Variants in CADPS2 observed in about 807,000 individuals in gnomAD.
CADPS2 encodes calcium-dependent secretion activator 2.
CADPS2 carries 93 observed loss-of-function variants against 172.5 expected under a neutral mutation model. That is an observed-to-expected ratio of 0.54 (90% CI 0.46 to 0.64). CADPS2 has a LOEUF of 0.64. Among genes scored for constraint, CADPS2 ranks in the 30% least tolerant of loss-of-function variants. The probability of loss-of-function intolerance (pLI) is 0.00; values close to 1 mark genes in which losing one functional copy is unlikely to be tolerated. For synonymous variants in CADPS2, 546 were observed against 555.2 expected, an observed-to-expected ratio of 0.98 and a Z score of 0.23; for missense variants, 1,420 against 1,565.9, an observed-to-expected ratio of 0.91 and a Z score of 1.57.
intron 25 of CADPS2, among the ~76,000 whole-genome samples, chr7:122,366,317 C>T (rs1585302924): frequency 6.6e-6 from 1 of 151,024 alleles, no homozygotes; most frequent in Non-Finnish European, 1.5e-5. Flanking sequence ...TAAAATAATA[C>T]GAGGCGGCCA....
intron 2 of CADPS2, among the ~76,000 whole-genome samples, chr7:122,720,054 C>T (rs1266980474): frequency 1.3e-5 from 2 of 152,012 alleles, no homozygotes; most frequent in Non-Finnish European, 1.5e-5. Context: ...CAGTCTCCTC[C>T]TAACTTTGGA....
chr7:122,813,351 A>T (rs758815888), intron 1 of CADPS2, among the ~76,000 whole-genome samples: 3 of 152,156 alleles, frequency 2.0e-5, no homozygotes, highest in Non-Finnish European at 4.4e-5. Flanking sequence ...AGATTTAATT[A>T]TATGAACAAC....
intron 17 of CADPS2, among the ~76,000 whole-genome samples, chr7:122,418,366 G>A (rs2048176471): frequency 6.6e-6 from 1 of 152,134 alleles, no homozygotes. Context: ...TGAACACGTG[G>A]GCTCTTGTAC....
At chr7:122,806,144 G>A (rs1021207408) in intron 1 of CADPS2, among the ~76,000 whole-genome samples, 5 of 152,140 alleles carry the variant, frequency 3.3e-5, no homozygotes, top group Non-Finnish European at 7.4e-5. Flanking sequence ...CACATTGTTA[G>A]AAGCTATTCA....
chr7:122,798,391 G>C (rs1220048428), intron 1 of CADPS2, among the ~76,000 whole-genome samples: 7 of 152,106 alleles, frequency 4.6e-5, no homozygotes, highest in Non-Finnish European at 1.0e-4. Context: ...TCTAAAGTCT[G>C]AAGTATTAAC....
chr7:122,767,874 G>T (rs970622080), intron 1 of CADPS2, among the ~76,000 whole-genome samples: 7 of 152,132 alleles, frequency 4.6e-5, no homozygotes, highest in Non-Finnish European at 7.4e-5. Context: ...TGAGCTTCTA[G>T]AATTCTGGGA....
At chr7:122,618,283 G>T (rs1239220089) in intron 5 of CADPS2, among the ~76,000 whole-genome samples, 1 of 150,628 alleles carries the variant, frequency 6.6e-6, no homozygotes, top group Non-Finnish European at 1.5e-5. Flanking sequence ...CCTTAATCCA[G>T]TAAGTATTTA....
chr7:122,691,815 G>A (rs989837129), intron 2 of CADPS2, among the ~76,000 whole-genome samples: 1 of 152,172 alleles, frequency 6.6e-6, no homozygotes, highest in African/African-American at 2.4e-5. Flanking sequence ...CTGTCAAGCT[G>A]TGCAAAACAT....
intron 9 of CADPS2, among the ~76,000 whole-genome samples, chr7:122,509,975 A>G (rs1399332925): frequency 1.3e-5 from 2 of 152,172 alleles, no homozygotes; most frequent in Non-Finnish European, 2.9e-5. Flanking sequence ...TGGGACATAC[A>G]TTTTTGAATA....
At position 122,594,436 on chromosome 7, in the gene CADPS2, T is replaced by A. The variant is rs553004256; in HGVS notation, c.1224-13146A>T. 3.1e-4 allele frequency among the ~76,000 whole-genome samples: 47 copies of A among 152,142 alleles called. 1 individual carries two copies. In the South Asian group the frequency reaches 9.1e-3, roughly 30 times the overall value. ...CTCTTCCTTATTGTCTCATAGAAGTTTCCCTTTCCCTTCAAAGAGCTAGTT... is the reference window on the plus strand; with the variant it reads ...CTCTTCCTTATTGTCTCATAGAAGTATCCCTTTCCCTTCAAAGAGCTAGTT... On this transcript the variant is annotated intron_variant, in intron 6 of 29. Transcript: ENST00000449022.
intron 1 of CADPS2, among the ~76,000 whole-genome samples, chr7:122,782,680 G>T (rs1793050113): frequency 6.6e-6 from 1 of 152,200 alleles, no homozygotes; most frequent in African/African-American, 2.4e-5. Context: ...CATTGGAAAT[G>T]ATAGATAAAA....
In CADPS2 at chr7:122,795,092, T is replaced by C. The variant is rs574386005; in HGVS notation, c.340-58024A>G. Reference sequence around the variant, plus strand: ...ACCAAGAGCAAACAAATCCCAAAGCTAGCAGAAGACAATAAATAACTAAAA... The same window carrying C: ...ACCAAGAGCAAACAAATCCCAAAGCCAGCAGAAGACAATAAATAACTAAAA... On this transcript the variant is annotated intron_variant, in intron 1 of 29. Coordinates refer to ENST00000449022, the MANE Select transcript of CADPS2 (RefSeq NM_017954.11). Among the ~76,000 whole-genome samples the C allele has an allele frequency of 1.6e-4, 24 of 151,342 alleles. 1 individual carries two copies. The highest frequency in any genetic ancestry group is 1.6e-3 in the Admixed American group (24 of 15,174).
chr7:122,406,208 C>T (rs1442323988), intron 20 of CADPS2, among the ~76,000 whole-genome samples: 1 of 151,972 alleles, frequency 6.6e-6, no homozygotes, highest in East Asian at 1.9e-4. Flanking sequence ...GGTGAACAAC[C>T]AAAGGAAGTT....
At chr7:122,500,746 CT>C (rs2059128838) in intron 9 of CADPS2, among the ~76,000 whole-genome samples, 1 of 152,102 alleles carries the variant, frequency 6.6e-6, no homozygotes, top group Non-Finnish European at 1.5e-5. Flanking sequence ...TAGGAAACAA[CT>C]AATTAGGGAG....
Position 122,886,191 on chromosome 7 carries a change from GCCCGCGCGCCCCGGCGCGT to G in CADPS2, c.128_146del (p.Asp43AlafsTer9). ...TCACAGATCTGGCCGCGCCGCCGCC[GCCCGCGCGCCCCGGCGCGT>G]CCCGCCGCCCTTCCCGAGTCGGGGC... On this transcript the variant is annotated frameshift_variant, in exon 1 of 30. Transcript: ENST00000449022. LOFTEE classifies it high-confidence loss of function. 1 of 1,469,528 alleles carries G rather than the reference GCCCGCGCGCCCCGGCGCGT, an allele frequency of 6.8e-7. No homozygotes were observed. The highest frequency in any genetic ancestry group is 8.9e-7 in the Non-Finnish European group (1 of 1,119,998). 91.0% of individuals were successfully genotyped at this position (1,469,528 alleles called of 1,614,324 possible).
At chr7:122,450,371 A>C (rs962265438) in intron 15 of CADPS2, among the ~76,000 whole-genome samples, 1 of 152,134 alleles carries the variant, frequency 6.6e-6, no homozygotes, top group African/African-American at 2.4e-5. Context: ...TAGGCCTAAT[A>C]ATAAGGGAGA....
intron 1 of CADPS2, among the ~76,000 whole-genome samples, chr7:122,859,102 T>G (rs1426705930): frequency 6.6e-6 from 1 of 152,222 alleles, no homozygotes; most frequent in Non-Finnish European, 1.5e-5. Context: ...TCAGAATACA[T>G]TCCTGATTCC....
chr7:122,845,358 A>G (rs1811707213), intron 1 of CADPS2, among the ~76,000 whole-genome samples: 1 of 152,208 alleles, frequency 6.6e-6, no homozygotes, highest in Non-Finnish European at 1.5e-5. Context: ...AAATGGGTAA[A>G]GGTTTGATGT....
At chr7:122,692,131 G>A (rs1206541220) in intron 2 of CADPS2, among the ~76,000 whole-genome samples, 1 of 152,078 alleles carries the variant, frequency 6.6e-6, no homozygotes, top group Admixed American at 6.5e-5. Flanking sequence ...TGGAATACTC[G>A]GGCAGGACCA....
Sources: allele counts gnomAD v4.1 joint callset (sites outside exome capture counted in the v4.1 genomes callset), GRCh38; gene constraint gnomAD v4.1.1; transcripts MANE v1.5; gene names NCBI Gene and HGNC (gene_info 2026-07-23, HGNC 2026-07-21).